Variants in ARHGAP15 observed in about 807,000 individuals in gnomAD.
The protein encoded by ARHGAP15 is rho GTPase-activating protein 15.
ARHGAP15 carries 51 observed loss-of-function variants against 63.7 expected under a neutral mutation model. The observed-to-expected ratio is 0.80, with a 90% CI of 0.64 to 1.01. The LOEUF is 1.01. Among genes scored for constraint, ARHGAP15 ranks in the 50% least tolerant of loss-of-function variants. The pLI is 0.00. For missense variants in ARHGAP15, 560 were observed against 564.6 expected (o/e 0.99, Z 0.08); for synonymous variants, 191 against 193.8 (o/e 0.99, Z 0.12).
At chr2:143,719,452 C>CACA (rs1684953626) in intron 13 of ARHGAP15, among the ~76,000 whole-genome samples, 1 of 152,210 alleles carries the variant, frequency 6.6e-6, no homozygotes, top group Non-Finnish European at 1.5e-5. Context: ...CATTTCACAT[C>CACA]TCAGAAAGAT....
At chr2:143,341,791 C>A (rs1263603551) in intron 6 of ARHGAP15, among the ~76,000 whole-genome samples, 1 of 151,952 alleles carries the variant, frequency 6.6e-6, no homozygotes, top group Non-Finnish European at 1.5e-5. Flanking sequence ...GTTAGTAGAC[C>A]CACATTGCCC....
At chr2:143,172,412 A>T (rs1006851265) in intron 2 of ARHGAP15, among the ~76,000 whole-genome samples, 1 of 152,104 alleles carries the variant, frequency 6.6e-6, no homozygotes, top group Admixed American at 6.6e-5. Context: ...GATTTTAAGC[A>T]CATAAGTCTC....
chr2:143,267,416 C>T (rs1010788095), intron 6 of ARHGAP15, among the ~76,000 whole-genome samples: 9 of 152,170 alleles, frequency 5.9e-5, no homozygotes, highest in African/African-American at 1.9e-4. Context: ...CATATGTCAA[C>T]CTGCATGCCG....
chr2:143,376,563 A>G (rs552597794), intron 6 of ARHGAP15, among the ~76,000 whole-genome samples: 21 of 152,154 alleles, frequency 1.4e-4, no homozygotes, highest in Non-Finnish European at 2.8e-4. Flanking sequence ...GGTAAGACTT[A>G]GAACACATAG....
At chr2:143,541,065 T>C (rs546978770) in intron 10 of ARHGAP15, among the ~76,000 whole-genome samples, 8 of 152,336 alleles carry the variant, frequency 5.3e-5, no homozygotes, top group African/African-American at 1.9e-4. Context: ...TCTTGGAGGC[T>C]TTGTTCGTTT....
At chr2:143,706,236 C>A (rs1305991892) in intron 13 of ARHGAP15, among the ~76,000 whole-genome samples, 1 of 152,060 alleles carries the variant, frequency 6.6e-6, no homozygotes, top group African/African-American at 2.4e-5. Flanking sequence ...GTCATCAAAG[C>A]CTGAGAAGAC....
chr2:143,521,679 G>A (rs983739071), intron 10 of ARHGAP15, among the ~76,000 whole-genome samples: 2 of 152,134 alleles, frequency 1.3e-5, no homozygotes, highest in Non-Finnish European at 2.9e-5. Context: ...TATGGGAAAG[G>A]AACATTTAAT....
chr2:143,572,651 C>T (rs1256777328), intron 11 of ARHGAP15, among the ~76,000 whole-genome samples: 1 of 152,170 alleles, frequency 6.6e-6, no homozygotes, highest in Non-Finnish European at 1.5e-5. Context: ...ACCACTTAGA[C>T]AGCTATAAAG....
At chr2:143,341,173 T>C (rs1445340068) in intron 6 of ARHGAP15, among the ~76,000 whole-genome samples, 1 of 152,064 alleles carries the variant, frequency 6.6e-6, no homozygotes, top group Non-Finnish European at 1.5e-5. Context: ...TTTATCTACC[T>C]CTCCGGCATC....
intron 13 of ARHGAP15, among the ~76,000 whole-genome samples, chr2:143,716,768 G>C (rs1684830604): frequency 6.6e-6 from 1 of 152,214 alleles, no homozygotes; most frequent in Admixed American, 6.5e-5. Flanking sequence ...AAGAAGGAAT[G>C]GTAAAACAAA....
intron 11 of ARHGAP15, among the ~76,000 whole-genome samples, chr2:143,610,230 C>T (rs1244967530): frequency 7.2e-5 from 11 of 152,120 alleles, no homozygotes; most frequent in Non-Finnish European, 1.6e-4. Flanking sequence ...TAAATCCAAT[C>T]TGTAAGTGAT....
intron 11 of ARHGAP15, among the ~76,000 whole-genome samples, chr2:143,592,007 C>G (rs1052287639): frequency 6.6e-6 from 1 of 152,116 alleles, no homozygotes; most frequent in Non-Finnish European, 1.5e-5. Flanking sequence ...AAATAAAGCA[C>G]TATAGTCCAT....
intron 6 of ARHGAP15, among the ~76,000 whole-genome samples, chr2:143,301,036 G>GT (rs1022663888): frequency 3.3e-5 from 5 of 151,812 alleles, no homozygotes; most frequent in East Asian, 3.9e-4. Flanking sequence ...AATGCCCTTA[G>GT]TTTTTTTACC....
At chr2:143,397,344 GTGTATA>G (rs1208452388) in intron 6 of ARHGAP15, among the ~76,000 whole-genome samples, 13 of 148,366 alleles carry the variant, frequency 8.8e-5, no homozygotes, top group African/African-American at 2.6e-4. Flanking sequence ...GTGTGTGTGT[GTGTATA>G]TATATATCTC....
At chr2:143,361,807 C>G (rs1403475345) in intron 6 of ARHGAP15, among the ~76,000 whole-genome samples, 2 of 152,178 alleles carry the variant, frequency 1.3e-5, no homozygotes, top group African/African-American at 4.8e-5. Context: ...AGCCATTCTC[C>G]TGGGGCTGGC....
chr2:143,417,346 C>A (rs1359507859), intron 6 of ARHGAP15, among the ~76,000 whole-genome samples: 1 of 152,156 alleles, frequency 6.6e-6, no homozygotes, highest in Admixed American at 6.5e-5. Flanking sequence ...CACATACTTT[C>A]TTCTTTCTCC....
At chr2:143,540,055 T>G (rs1229840558) in intron 10 of ARHGAP15, among the ~76,000 whole-genome samples, 1 of 152,216 alleles carries the variant, frequency 6.6e-6, no homozygotes, top group Non-Finnish European at 1.5e-5. Flanking sequence ...TTTATGAATC[T>G]GGATGCTCCT....
intron 6 of ARHGAP15, among the ~76,000 whole-genome samples, chr2:143,316,145 C>T (rs1368382875): frequency 1.3e-5 from 2 of 151,792 alleles, no homozygotes; most frequent in Non-Finnish European, 2.9e-5. Flanking sequence ...TTTTTTAATT[C>T]AAATTGTTCC....
intron 6 of ARHGAP15, among the ~76,000 whole-genome samples, chr2:143,384,465 GACTA>G (rs991159079): frequency 6.6e-6 from 1 of 151,384 alleles, no homozygotes; most frequent in Non-Finnish European, 1.5e-5. Flanking sequence ...CCACCTCGGA[GACTA>G]ACTAAATTAG....
Sources: allele counts gnomAD v4.1 joint callset (sites outside exome capture counted in the v4.1 genomes callset), GRCh38; gene constraint gnomAD v4.1.1; transcripts MANE v1.5; gene names NCBI Gene and HGNC (gene_info 2026-07-23, HGNC 2026-07-21).